The following GRM8 variants were observed in gnomAD, a reference collection of about 807,000 sequenced individuals.
The protein encoded by GRM8 is metabotropic glutamate receptor 8.
Under a neutral mutation model 87.2 loss-of-function variants are expected in GRM8, and 47 were observed. The observed-to-expected ratio is 0.54, with a 90% CI of 0.43 to 0.69. GRM8 has a LOEUF of 0.69. Ranked by LOEUF, GRM8 falls within the 30% of genes least tolerant of loss-of-function variation. The pLI, the probability that GRM8 is intolerant of heterozygous loss-of-function variation, is 0.00. For missense variants in GRM8, 1,019 were observed against 1,139.2 expected (o/e 0.89, Z 1.52); for synonymous variants, 396 against 404.5 (o/e 0.98, Z 0.25).
At chr7:126,540,411 G>T (rs1007543969) in intron 8 of GRM8, among the ~76,000 whole-genome samples, 1 of 152,086 alleles carries the variant, frequency 6.6e-6, no homozygotes, top group African/African-American at 2.4e-5. Context: ...ATAGGGTTTT[G>T]ATATGACCTA....
intron 7 of GRM8, among the ~76,000 whole-genome samples, chr7:126,677,085 C>T (rs138298068): frequency 2.6e-4 from 39 of 152,010 alleles, no homozygotes; most frequent in African/African-American, 8.4e-4. Context: ...AAATGACCAC[C>T]AAATATATGA....
rs189206251 is a variant in GRM8, at chr7:126,640,192, A to C, written c.1358-30694T>G. 2.0e-4 allele frequency among the ~76,000 whole-genome samples: 31 copies of C among 152,368 alleles called. No individual in the cohort carries two copies. In the East Asian group the frequency reaches 6.0e-3, roughly 29 times the overall value. On this transcript the variant is annotated intron_variant, in intron 7 of 10. Transcript: ENST00000339582. ...GTTTTAAGAATTTTATAACATATCAATATAATTAATCAGAACCTATGATAG... is the reference window on the plus strand; with the variant it reads ...GTTTTAAGAATTTTATAACATATCACTATAATTAATCAGAACCTATGATAG...
chr7:126,901,423 C>A (rs1802066686), intron 6 of GRM8, among the ~76,000 whole-genome samples: 1 of 152,190 alleles, frequency 6.6e-6, no homozygotes, highest in African/African-American at 2.4e-5. Flanking sequence ...GAGTGTCCAT[C>A]TCCCCACACT....
At chr7:126,575,132 C>A (rs1795000444) in intron 8 of GRM8, among the ~76,000 whole-genome samples, 1 of 152,074 alleles carries the variant, frequency 6.6e-6, no homozygotes, top group Non-Finnish European at 1.5e-5. Flanking sequence ...AGGAACTGGG[C>A]TGCGTAGCAG....
chr7:127,001,159 T>C (rs1468516687), intron 3 of GRM8, among the ~76,000 whole-genome samples: 1 of 151,580 alleles, frequency 6.6e-6, no homozygotes, highest in Non-Finnish European at 1.5e-5. Context: ...GATAATTTAA[T>C]AGGAAGAAAA....
intron 3 of GRM8, among the ~76,000 whole-genome samples, chr7:127,098,594 A>C (rs541554718): frequency 6.6e-6 from 1 of 152,154 alleles, no homozygotes; most frequent in Non-Finnish European, 1.5e-5. Flanking sequence ...AAAAACTATC[A>C]AACTTTTTGG....
chr7:126,852,243 G>C (rs1797279620), intron 6 of GRM8, among the ~76,000 whole-genome samples: 1 of 152,124 alleles, frequency 6.6e-6, no homozygotes, highest in Non-Finnish European at 1.5e-5. Flanking sequence ...GTGTATCCCA[G>C]ATCCTAGGCA....
chr7:127,202,589 T>A (rs1436088526), intron 2 of GRM8, among the ~76,000 whole-genome samples: 2 of 152,204 alleles, frequency 1.3e-5, no homozygotes, highest in East Asian at 3.8e-4. Flanking sequence ...CTGTACATAT[T>A]CCTAGTTGTC....
intron 8 of GRM8, among the ~76,000 whole-genome samples, chr7:126,548,685 T>A (rs1183524156): frequency 6.6e-6 from 1 of 151,968 alleles, no homozygotes; most frequent in African/African-American, 2.4e-5. Context: ...TGGTGAGAAG[T>A]CAATATAAAC....
intron 9 of GRM8, among the ~76,000 whole-genome samples, chr7:126,499,492 A>T (rs984956415): frequency 6.6e-6 from 1 of 151,858 alleles, no homozygotes; most frequent in Non-Finnish European, 1.5e-5. Context: ...TGACATCGGT[A>T]TGATGAAGGG....
At chr7:126,614,473 T>C (rs966411246) in intron 7 of GRM8, among the ~76,000 whole-genome samples, 1 of 151,830 alleles carries the variant, frequency 6.6e-6, no homozygotes, top group Non-Finnish European at 1.5e-5. Flanking sequence ...AGAGCACCTC[T>C]CCCCCTCCAA....
At chr7:126,528,348 C>G (rs1167920327) in intron 9 of GRM8, among the ~76,000 whole-genome samples, 1 of 152,116 alleles carries the variant, frequency 6.6e-6, no homozygotes, top group Non-Finnish European at 1.5e-5. Context: ...GCAATTCATT[C>G]GAATATATTC....
intron 6 of GRM8, among the ~76,000 whole-genome samples, chr7:126,789,409 T>C (rs1420007813): frequency 6.6e-6 from 1 of 152,148 alleles, no homozygotes; most frequent in Non-Finnish European, 1.5e-5. Flanking sequence ...GTTATAAATT[T>C]ATGGTATCTT....
At chr7:127,216,088 C>A (rs1796509515) in intron 2 of GRM8, among the ~76,000 whole-genome samples, 4 of 152,120 alleles carry the variant, frequency 2.6e-5, no homozygotes. Flanking sequence ...CTGCTCTTTG[C>A]AAGGTACAAA....
intron 6 of GRM8, among the ~76,000 whole-genome samples, chr7:126,798,884 T>C (rs918961763): frequency 2.6e-5 from 4 of 152,122 alleles, no homozygotes; most frequent in African/African-American, 9.7e-5. Context: ...GAAGTGTCTG[T>C]GTTCAACGAA....
At chr7:126,789,354 G>A (rs908464119) in intron 6 of GRM8, among the ~76,000 whole-genome samples, 1 of 151,808 alleles carries the variant, frequency 6.6e-6, no homozygotes. Flanking sequence ...CAGCAAACAA[G>A]GCAACACATA....
At chr7:126,600,529 A>G (rs1797635933) in intron 8 of GRM8, among the ~76,000 whole-genome samples, 2 of 152,190 alleles carry the variant, frequency 1.3e-5, no homozygotes, top group Admixed American at 1.3e-4. Flanking sequence ...GGGAACAGTC[A>G]CTGAATAAAT....
chr7:126,622,966 AATT>A (rs1452392479), intron 7 of GRM8, among the ~76,000 whole-genome samples: 21 of 152,300 alleles, frequency 1.4e-4, no homozygotes, highest in Admixed American at 1.4e-3. Flanking sequence ...ATTGTTTGAT[AATT>A]ATCTCAGACA....
intron 8 of GRM8, among the ~76,000 whole-genome samples, chr7:126,558,906 A>T (rs555862779): frequency 1.1e-4 from 16 of 152,268 alleles, no homozygotes; most frequent in Admixed American, 4.6e-4. Flanking sequence ...CTAACCAAAG[A>T]CCAGGAATAG....
Sources: gnomAD v4.1 joint callset for allele counts (sites outside exome capture counted in the v4.1 genomes callset) on GRCh38, gnomAD v4.1.1 for gene constraint, MANE v1.5 for transcripts, NCBI Gene and HGNC (gene_info 2026-07-23, HGNC 2026-07-21) for gene names.